The following SH2D4B variants were observed in gnomAD, a reference collection of about 807,000 sequenced individuals.
SH2D4B encodes SH2 domain containing 4B.
SH2D4B carries 45 observed loss-of-function variants against 61.5 expected under a neutral mutation model. The ratio of observed to expected loss-of-function variants is 0.73; its 90% CI spans 0.58 to 0.94. The LOEUF (loss-of-function observed/expected upper bound fraction) is 0.94. SH2D4B is among the 40% of genes least tolerant of loss of function. The pLI is 0.00. For synonymous variants in SH2D4B, 224 were observed against 220.4 expected, an observed-to-expected ratio of 1.02 and a Z score of -0.14; for missense variants, 572 against 574.2, an observed-to-expected ratio of 1.00 and a Z score of 0.04.
intron 6 of SH2D4B, among the ~76,000 whole-genome samples, chr10:80,619,612 G>T (rs927384441): frequency 6.6e-6 from 1 of 152,232 alleles, no homozygotes; most frequent in African/African-American, 2.4e-5. Flanking sequence ...TTAGGCCAAG[G>T]CCTGGCTGCA....
At chr10:80,585,326 CTTTTTTT>C (rs35967768) in intron 3 of SH2D4B, among the ~76,000 whole-genome samples, 1 of 142,318 alleles carries the variant, frequency 7.0e-6, no homozygotes, top group Non-Finnish European at 1.5e-5. Flanking sequence ...TCCTCTTTTT[CTTTTTTT>C]TTTTTTTGAG....
chr10:80,577,784 G>A (rs1273119427), intron 3 of SH2D4B, among the ~76,000 whole-genome samples: 2 of 151,458 alleles, frequency 1.3e-5, no homozygotes, highest in African/African-American at 2.4e-5. Context: ...GGATGGTCTC[G>A]ATCTCCTGAC....
intron 4 of SH2D4B, among the ~76,000 whole-genome samples, chr10:80,592,391 A>G (rs1446148952): frequency 6.6e-6 from 1 of 152,190 alleles, no homozygotes; most frequent in East Asian, 1.9e-4. Context: ...ATGAAGTTCA[A>G]TGTATCCATT....
intron 2 of SH2D4B, among the ~76,000 whole-genome samples, chr10:80,570,786 T>C (rs1020008837): frequency 6.6e-6 from 1 of 152,232 alleles, no homozygotes; most frequent in Non-Finnish European, 1.5e-5. Context: ...ATTTGGGTTG[T>C]TTACCATTTT....
intron 7 of SH2D4B, 81 bp downstream of exon 7, chr10:80,634,586 G>T (rs1412007608): frequency 6.6e-7 from 1 of 1,510,782 alleles, no homozygotes. Flanking sequence ...AGCAAGAGAA[G>T]CAAGGCTGCT....
intron 1 of SH2D4B, among the ~76,000 whole-genome samples, chr10:80,544,444 A>C (rs1035189889): frequency 6.6e-6 from 1 of 152,218 alleles, no homozygotes; most frequent in African/African-American, 2.4e-5. Context: ...CCAAGAACCC[A>C]CCAATTCCAG....
chr10:80,637,937 C>T (rs9730767), intron 7 of SH2D4B, among the ~76,000 whole-genome samples: 11,500 of 152,078 alleles, frequency 0.076, 522 homozygotes, highest in African/African-American at 0.11. Flanking sequence ...ATAAATAGCT[C>T]TTATTATTTT....
intron 3 of SH2D4B, among the ~76,000 whole-genome samples, chr10:80,587,129 C>G (rs1390540491): frequency 8.4e-6 from 1 of 119,644 alleles, no homozygotes; most frequent in African/African-American, 3.4e-5. Flanking sequence ...ATTCCGGCCA[C>G]GTTTTTTTTT....
chr10:80,617,239 C>T (rs1341750104), intron 6 of SH2D4B, among the ~76,000 whole-genome samples: 1 of 152,172 alleles, frequency 6.6e-6, no homozygotes, highest in African/African-American at 2.4e-5. Context: ...GGAGAGGTGG[C>T]CATTTTCTTT....
At chr10:80,571,669 C>T in intron 3 of SH2D4B, 91 bp downstream of exon 3, 1 of 1,490,108 alleles carries the variant, frequency 6.7e-7, no homozygotes, top group Non-Finnish European at 9.1e-7. Context: ...AATCCTTGGC[C>T]ATTGGTTGGT....
chr10:80,551,591 G>A (rs1841762107), intron 1 of SH2D4B, among the ~76,000 whole-genome samples: 1 of 152,072 alleles, frequency 6.6e-6, no homozygotes, highest in Admixed American at 6.6e-5. Context: ...ATGAAGATGC[G>A]AAAATACATT....
chr10:80,562,478 G>A (rs1044014198), intron 1 of SH2D4B, among the ~76,000 whole-genome samples: 1 of 152,198 alleles, frequency 6.6e-6, no homozygotes, highest in African/African-American at 2.4e-5. Flanking sequence ...GATATTATGT[G>A]AGGACTTACT....
chr10:80,623,007 C>T lies in SH2D4B; in HGVS notation c.989-11278C>T, dbSNP rs555105187. Among the ~76,000 whole-genome samples the T allele has an allele frequency of 2.9e-4, 44 of 152,322 alleles. 2 individuals carry two copies. The South Asian group carries it at 7.5e-3, about 26-fold the overall frequency. On this transcript the variant is annotated intron_variant, in intron 6 of 7. Coordinates refer to ENST00000646907, the MANE Select transcript of SH2D4B (RefSeq NM_001388272.1). The stretch of plus-strand genomic sequence containing the variant: ...CTCAGCTCACTGCAACCTCCTCTCC[C>T]GGGTTCAAGCGATTCTCCTGCTTCA...
chr10:80,564,532 T>C (rs577803984), intron 1 of SH2D4B, among the ~76,000 whole-genome samples: 2 of 152,356 alleles, frequency 1.3e-5, no homozygotes, highest in Admixed American at 1.3e-4. Flanking sequence ...TCTTGAAGTA[T>C]TGGAGTGTCT....
At chr10:80,626,152 A>T (rs1256246088) in intron 6 of SH2D4B, among the ~76,000 whole-genome samples, 1 of 145,872 alleles carries the variant, frequency 6.9e-6, no homozygotes, top group Non-Finnish European at 1.5e-5. Context: ...TATCCAGGAT[A>T]ATTTTTTTTT....
intron 1 of SH2D4B, among the ~76,000 whole-genome samples, chr10:80,556,127 A>T (rs577889361): frequency 1.3e-5 from 2 of 150,610 alleles, no homozygotes; most frequent in African/African-American, 2.5e-5. Context: ...GCAAATTAAG[A>T]GTCAAGTTCT....
In SH2D4B at chr10:80,644,241, T is replaced by C. The variant is rs1840357903; in HGVS notation, c.*156T>C. ...CTCAAGGGATATGACATCTATGGCATAGGGCTACTGGTCTCATCCCAGCGA... is the reference window on the plus strand; with the variant it reads ...CTCAAGGGATATGACATCTATGGCACAGGGCTACTGGTCTCATCCCAGCGA... On this transcript the variant is annotated 3_prime_UTR_variant, in exon 8 of 8. Coordinates refer to ENST00000646907, the MANE Select transcript of SH2D4B (RefSeq NM_001388272.1). The C allele has an allele frequency of 1.6e-6, 1 of 624,834 alleles. No homozygotes were observed. The highest frequency in any genetic ancestry group is 2.8e-6 in the Non-Finnish European group (1 of 357,124). 38.7% of individuals were successfully genotyped at this position (624,834 alleles called of 1,614,324 possible). A position where few individuals can be genotyped will look rare whatever the true frequency, so the allele number is the denominator to read the frequency against.
intron 1 of SH2D4B, among the ~76,000 whole-genome samples, chr10:80,558,873 G>T (rs868845972): frequency 6.6e-6 from 1 of 152,284 alleles, no homozygotes; most frequent in Middle Eastern, 3.4e-3. Flanking sequence ...GCAACCATTT[G>T]TTGCTTGTAC....
intron 4 of SH2D4B, among the ~76,000 whole-genome samples, chr10:80,601,238 C>G (rs1842449545): frequency 6.6e-6 from 1 of 152,166 alleles, no homozygotes; most frequent in African/African-American, 2.4e-5. Context: ...TCTTATTGAT[C>G]TTCCCACACC....
Sources: allele counts gnomAD v4.1 joint callset (sites outside exome capture counted in the v4.1 genomes callset), GRCh38; gene constraint gnomAD v4.1.1; transcripts MANE v1.5; gene names NCBI Gene and HGNC (gene_info 2026-07-23, HGNC 2026-07-21).